The following PCDHGB6 variants were observed in gnomAD, a reference collection of about 807,000 sequenced individuals.
PCDHGB6 encodes the protein protocadherin gamma-B6.
A neutral mutation model predicts 59.1 loss-of-function variants in PCDHGB6; 51 were observed. The observed-to-expected ratio is 0.86, with a 90% CI of 0.69 to 1.09. The LOEUF is 1.09. PCDHGB6 is among the 50% of genes least tolerant of loss of function. The pLI, the probability that PCDHGB6 is intolerant of heterozygous loss-of-function variation, is 0.00. For synonymous variants in PCDHGB6, 466 were observed against 495.1 expected, an observed-to-expected ratio of 0.94 and a Z score of 0.78; for missense variants, 1,148 against 1,205.1, an observed-to-expected ratio of 0.95 and a Z score of 0.70.
In PCDHGB6 at chr5:141,485,872, G is replaced by A; in HGVS notation, c.2419-8935G>A. ...CCGCAGAGCTCCGGGTATCCGTGCT[G>A]GACGTAAACGACAACGCCCCAGCCT... On this transcript the variant is annotated intron_variant, in intron 1 of 3. Transcript: ENST00000520790. The surrounding 1 kb of genome is among the most constrained non-coding windows in gnomAD (Gnocchi z 5.7). 1 of 1,614,170 alleles carries A rather than the reference G, an allele frequency of 6.2e-7. No homozygotes were observed. The highest frequency in any genetic ancestry group is 2.2e-5 in the East Asian group (1 of 44,876).
intron 1 of PCDHGB6, chr5:141,427,868 C>T (rs1311930991): frequency 4.5e-6 from 7 of 1,559,298 alleles, no homozygotes; most frequent in African/African-American, 2.7e-5. Context: ...CCTTCGAGCT[C>T]ACGATGCAGG....
chr5:141,418,890 G>C (rs1449142412), intron 1 of PCDHGB6: 1 of 1,613,934 alleles, frequency 6.2e-7, no homozygotes, highest in South Asian at 1.1e-5. Context: ...AACGACAACA[G>C]CCCAGAAATA....
At chr5:141,455,860 A>ATTAT (rs145569377) in intron 1 of PCDHGB6, among the ~76,000 whole-genome samples, 7,190 of 139,786 alleles carry the variant, frequency 0.051, 228 homozygotes, top group South Asian at 0.064. Context: ...AATTTCTTTT[A>ATTAT]TTATTTATTT....
In PCDHGB6 at chr5:141,409,442, C is replaced by T; in HGVS notation, c.1240C>T (p.Gln414Ter). Residue 414 changes from glutamine (Q) to a stop codon, truncating the protein, a stop_gained, in exon 1 of 4, where the codon CAG (glutamine) becomes TAG (stop). Coordinates refer to ENST00000520790, the MANE Select transcript of PCDHGB6 (RefSeq NM_018926.3). LOFTEE classifies it high-confidence loss of function. ...LVTDGALDRE[Q>*]TPEYNVTIVA... The stretch of plus-strand genomic sequence containing the variant: ...GACAGATGGAGCCCTGGACCGAGAG[C>T]AGACACCAGAATACAATGTCACCAT... 1.2e-6 allele frequency: 2 copies of T among 1,613,998 alleles called. No homozygotes were observed. Among genetic ancestry groups the T allele is most frequent in the Non-Finnish European group, 1.7e-6 (2 of 1,179,892 alleles).
At chr5:141,506,566 T>C (rs909998933) in intron 3 of PCDHGB6, among the ~76,000 whole-genome samples, 33 of 152,022 alleles carry the variant, frequency 2.2e-4, no homozygotes, top group Non-Finnish European at 2.9e-5. Flanking sequence ...ACCCCCTCGG[T>C]TTCACTTACT....
Position 141,476,610 on chromosome 5 carries a change from G to A in PCDHGB6, c.2419-18197G>A, listed in dbSNP as rs769858609. ...GAGAGCGCGCACGATCCCGATGTGGGAAGCAACTCTTTACAAACCTATGAG... is the reference window on the plus strand; with the variant it reads ...GAGAGCGCGCACGATCCCGATGTGGAAAGCAACTCTTTACAAACCTATGAG... On this transcript the variant is annotated intron_variant, in intron 1 of 3. Coordinates refer to ENST00000520790, the MANE Select transcript of PCDHGB6 (RefSeq NM_018926.3). The surrounding 1 kb of genome is among the most constrained non-coding windows in gnomAD (Gnocchi z 7.6). The A allele has an allele frequency of 1.2e-6, 2 of 1,614,262 alleles. No homozygotes were observed. The highest frequency in any genetic ancestry group is 3.3e-5 in the Admixed American group (2 of 60,036).
intron 1 of PCDHGB6, among the ~76,000 whole-genome samples, chr5:141,475,625 G>C (rs1172186188): frequency 2.0e-5 from 3 of 152,204 alleles, no homozygotes; most frequent in African/African-American, 7.2e-5. Flanking sequence ...GGTTTGGTTC[G>C]ATCCCCTTTC....
At chr5:141,413,407 CTT>C (rs758693256) in intron 1 of PCDHGB6, 1 of 1,613,926 alleles carries the variant, frequency 6.2e-7, no homozygotes, top group Non-Finnish European at 8.5e-7. Context: ...TAGGACGCAG[CTT>C]TTCTCTCTGA....
chr5:141,454,894 G>A (rs1371368633), intron 1 of PCDHGB6, among the ~76,000 whole-genome samples: 2 of 126,736 alleles, frequency 1.6e-5, no homozygotes, highest in Non-Finnish European at 3.1e-5. Context: ...TGCTAGCACC[G>A]CCTCCCGGGT....
chr5:141,411,969 T>G (rs2095526864), intron 1 of PCDHGB6: 1 of 152,258 alleles, frequency 6.6e-6, no homozygotes, highest in Non-Finnish European at 1.5e-5. Context: ...ATAAAATCTT[T>G]GAAGAGTTCT....
At chr5:141,460,331 A>T (rs537463160) in intron 1 of PCDHGB6, among the ~76,000 whole-genome samples, 3 of 152,212 alleles carry the variant, frequency 2.0e-5, no homozygotes, top group African/African-American at 7.2e-5. Flanking sequence ...AAAACTTATG[A>T]TGATTTTCTC....
At chr5:141,488,951 A>G (rs2099680664) in intron 1 of PCDHGB6, among the ~76,000 whole-genome samples, 1 of 152,118 alleles carries the variant, frequency 6.6e-6, no homozygotes, top group Admixed American at 6.5e-5. Flanking sequence ...ATTGGTTGAG[A>G]GCACACAGAC....
chr5:141,483,660 G>GTCTGTA (rs2099584988), intron 1 of PCDHGB6, among the ~76,000 whole-genome samples: 1 of 152,094 alleles, frequency 6.6e-6, no homozygotes, highest in Non-Finnish European at 1.5e-5. Context: ...GTGTGTGTGT[G>GTCTGTA]TGTGTGTGTA....
intron 1 of PCDHGB6, chr5:141,418,387 G>T: frequency 1.9e-6 from 3 of 1,614,002 alleles, no homozygotes; most frequent in Non-Finnish European, 2.5e-6. Flanking sequence ...GTCCTAACGA[G>T]TATTTCTCAT....
At chr5:141,454,131 G>A (rs754465889) in intron 1 of PCDHGB6, among the ~76,000 whole-genome samples, 2 of 152,334 alleles carry the variant, frequency 1.3e-5, no homozygotes, top group South Asian at 2.1e-4. Flanking sequence ...AGCTGACCAT[G>A]GGAATGTTCA....
chr5:141,433,222 A>G, intron 1 of PCDHGB6: 6 of 1,519,556 alleles, frequency 3.9e-6, no homozygotes, highest in Non-Finnish European at 5.4e-6. Flanking sequence ...TTTTTTTTTA[A>G]TTGCTCTGTC....
At chr5:141,460,849 G>A (rs908955373) in intron 1 of PCDHGB6, among the ~76,000 whole-genome samples, 1 of 150,224 alleles carries the variant, frequency 6.7e-6, no homozygotes, top group Non-Finnish European at 1.5e-5. Flanking sequence ...CCTCCAGTTC[G>A]ATCCAAGTTG....
chr5:141,474,210 A>G (rs1054533367), intron 1 of PCDHGB6, among the ~76,000 whole-genome samples: 3 of 152,230 alleles, frequency 2.0e-5, no homozygotes, highest in Non-Finnish European at 4.4e-5. Context: ...ATTTTCAAAA[A>G]CCAGATTGTG....
intron 1 of PCDHGB6, among the ~76,000 whole-genome samples, chr5:141,483,272 A>T (rs545719861): frequency 4.4e-4 from 67 of 152,196 alleles, no homozygotes; most frequent in African/African-American, 1.4e-3. Flanking sequence ...TGTTTTAGAA[A>T]TATTATTCTG....
Sources: allele counts gnomAD v4.1 joint callset (sites outside exome capture counted in the v4.1 genomes callset), GRCh38; gene constraint gnomAD v4.1.1; non-coding constraint Gnocchi (gnomAD v3.1); transcripts MANE v1.5; gene names NCBI Gene and HGNC (gene_info 2026-07-23, HGNC 2026-07-21).